Variants in GCKR observed in about 807,000 individuals in gnomAD.
GCKR encodes the protein glucokinase regulatory protein.
In GCKR, 73 loss-of-function variants were observed where a neutral mutation model predicts 82.9. The ratio of observed to expected loss-of-function variants is 0.88; its 90% CI spans 0.73 to 1.07. The LOEUF is 1.07. Among genes scored for constraint, GCKR ranks in the 50% least tolerant of loss-of-function variants. The pLI is 0.00. For missense variants in GCKR, 784 were observed against 782.1 expected, an observed-to-expected ratio of 1.00 and a Z score of -0.03; for synonymous variants, 294 against 291.8, an observed-to-expected ratio of 1.01 and a Z score of -0.08.
At chr2:27,513,909 T>TTG (rs57848910) in intron 16 of GCKR, among the ~76,000 whole-genome samples, 7,083 of 144,700 alleles carry the variant, frequency 0.049, 179 homozygotes, top group Middle Eastern at 0.071. Flanking sequence ...TTATTTGCAT[T>TTG]TGTGTGTGTG....
chr2:27,498,202 C>A, intron 3 of GCKR, 53 bp from the exon 4 acceptor site: 1 of 1,332,510 alleles, frequency 7.5e-7, no homozygotes. Flanking sequence ...AAAGAATATT[C>A]TTCTCCCAAC....
Position 27,501,216 on chromosome 2 carries a change from G to T in GCKR, c.631G>T (p.Val211Leu). Reference sequence around the variant, plus strand: ...GCCAGTCCTGGTTGGCTTCAATCCAGTGAGCATGGCCAGGTGAGCCTTCTG... The same window carrying T: ...GCCAGTCCTGGTTGGCTTCAATCCATTGAGCATGGCCAGGTGAGCCTTCTG... Reference protein sequence around the residue: ...FLPVLVGFNPVSMARNDPIED... With the variant: ...FLPVLVGFNPLSMARNDPIED... Residue 211 changes from valine to leucine, a missense_variant, in exon 8 of 19, where the codon GTG (valine) becomes TTG (leucine). Coordinates refer to ENST00000264717, the MANE Select transcript of GCKR (RefSeq NM_001486.4). 1 of 1,612,280 alleles carries T rather than the reference G, an allele frequency of 6.2e-7. No individual in the cohort carries two copies. Among genetic ancestry groups the T allele is most frequent in the Non-Finnish European group, 8.5e-7 (1 of 1,178,256 alleles).
chr2:27,501,138 C>G lies in GCKR; in HGVS notation c.553C>G (p.Pro185Ala). ...CCTTCTCTCTCTTCACCATCAGGCT[C>G]CCTTTGTGGCAGGCCAGATGGACTG... ...VIGISVGLSA[P>A]FVAGQMDCCM... The change falls in exon 8 of 19, where the codon CCC becomes GCC. Residue 185 changes from proline (P) to alanine (A), a missense_variant. Pro to Ala is a conservative substitution (Grantham distance 27). Transcript: ENST00000264717. 1 of 1,610,698 alleles carries G rather than the reference C, an allele frequency of 6.2e-7. No individual in the cohort carries two copies. The highest frequency in any genetic ancestry group is 8.5e-7 in the Non-Finnish European group (1 of 1,176,808).
intron 2 of GCKR, 72 bp downstream of exon 2, chr2:27,497,471 C>A: frequency 6.3e-7 from 1 of 1,585,702 alleles, no homozygotes; most frequent in Non-Finnish European, 8.7e-7. Context: ...CTCTCCCTCA[C>A]CATGGCTCCT....
intron 9 of GCKR, among the ~76,000 whole-genome samples, chr2:27,503,968 A>G (rs542260078): frequency 1.3e-5 from 2 of 152,362 alleles, no homozygotes; most frequent in South Asian, 4.1e-4. Flanking sequence ...CATTTTAAAT[A>G]TGGGCTTTAA....
In GCKR at chr2:27,508,177, A is replaced by C; in HGVS notation, c.1348A>C (p.Lys450Gln). Residue 450 changes from lysine (K) to glutamine (Q), a missense_variant, in exon 16 of 19, where the codon AAG becomes CAG. Transcript: ENST00000264717. ...CTTTCTCTCTCTCCAGATCCCTCTG[A>C]AGAAGCTCTTTCCCTCCATCATCAG... ...TVGQTLLIPLKKLFPSIISIT... is the reference protein window; with the variant it reads ...TVGQTLLIPLQKLFPSIISIT... The C allele has an allele frequency of 6.2e-7, 1 of 1,608,826 alleles. No individual in the cohort carries two copies. Among genetic ancestry groups the C allele is most frequent in the Non-Finnish European group, 8.5e-7 (1 of 1,175,624 alleles).
In GCKR at chr2:27,523,350, G is replaced by A. The variant is rs772516689; in HGVS notation, c.1789G>A (p.Val597Ile). 2.5e-6 allele frequency: 4 copies of A among 1,612,844 alleles called. No homozygotes were observed. In the Admixed American group the frequency reaches 6.7e-5, roughly 27 times the overall value. The change falls in exon 19 of 19, where the codon GTC becomes ATC. Residue 597 changes from valine to isoleucine, a missense_variant. By Grantham distance (29) the Val-to-Ile change is conservative. Coordinates refer to ENST00000264717, the MANE Select transcript of GCKR (RefSeq NM_001486.4). ...AQAHLAAAPS[V>I]CEAVRSALAG... ...GGCACACCTGGCTGCAGCTCCTTCT[G>A]TCTGTGAGGCTGTCAGGAGTGCTCT...
intron 16 of GCKR, among the ~76,000 whole-genome samples, chr2:27,510,994 G>A (rs1192188482): frequency 3.3e-5 from 5 of 151,626 alleles, no homozygotes; most frequent in African/African-American, 1.2e-4. Flanking sequence ...TTTCCTTTGT[G>A]TTTTTTGCCT....
At chr2:27,511,968 C>A (rs1226675703) in intron 16 of GCKR, among the ~76,000 whole-genome samples, 1 of 151,958 alleles carries the variant, frequency 6.6e-6, no homozygotes, top group Non-Finnish European at 1.5e-5. Context: ...GAGCCAGGTA[C>A]GGTGGCTCAT....
In GCKR at chr2:27,498,237, G is replaced by A; in HGVS notation, c.286-18G>A. 1 of 1,597,890 alleles carries A rather than the reference G, an allele frequency of 6.3e-7. No homozygotes were observed. Among genetic ancestry groups the A allele is most frequent in the African/African-American group, 1.3e-5 (1 of 74,742 alleles). ...CCTGAGCCAGGCCCTGGTAATATAT[G>A]CCTCTTTCCTTCTTCAGGAGCCAGA... On this transcript the variant is annotated intron_variant, in intron 3 of 18. Transcript: ENST00000264717.
Position 27,498,331 on chromosome 2 carries a change from C to A in GCKR, c.354+8C>A, listed in dbSNP as rs1316174156. On this transcript the variant is annotated splice_region_variant and intron_variant, in intron 4 of 18. Coordinates refer to ENST00000264717, the MANE Select transcript of GCKR (RefSeq NM_001486.4). ...ATGGCATTCCTCATGTCGGTGAGCACCCTGGTCTCCAGTTTTCTTCCCCCT... is the reference window on the plus strand; with the variant it reads ...ATGGCATTCCTCATGTCGGTGAGCAACCTGGTCTCCAGTTTTCTTCCCCCT... 3.7e-6 allele frequency: 6 copies of A among 1,604,892 alleles called. No homozygotes were observed. Among genetic ancestry groups the A allele is most frequent in the Non-Finnish European group, 4.3e-6 (5 of 1,171,676 alleles).
At chr2:27,501,985 G>A (rs1669594332) in intron 8 of GCKR, among the ~76,000 whole-genome samples, 1 of 152,204 alleles carries the variant, frequency 6.6e-6, no homozygotes, top group Non-Finnish European at 1.5e-5. Context: ...TGGAGATTCT[G>A]ATGCACAGCC....
intron 16 of GCKR, among the ~76,000 whole-genome samples, chr2:27,510,495 C>T (rs544975082): frequency 6.6e-6 from 1 of 152,248 alleles, no homozygotes; most frequent in African/African-American, 2.4e-5. Context: ...ACCCCAAAAG[C>T]GAAATCACTG....
rs1260326 is a variant in GCKR at position 27,508,073 on chromosome 2, T to C, written c.1337T>C (p.Leu446Pro). The C allele has an allele frequency of 0.62, 994,022 of 1,610,248 alleles. 312,465 individuals are homozygous for C. The highest frequency in any genetic ancestry group is 0.86 in the African/African-American group (64,485 of 74,916). The part of the protein sequence containing the change: ...LAHSTVGQTL[L>P]IPLKKLFPSI... ...CACAGCACCGTGGGTCAGACCTTGC[T>C]GGTGAGAGTCCAGCCGTGACAAAGG... is the stretch of plus-strand genomic sequence containing the variant. The change falls in exon 15 of 19, where the codon CTG becomes CCG. Residue 446 changes from leucine to proline, a missense_variant and splice_region_variant. By Grantham distance (98) the Leu-to-Pro change is moderately conservative (BLOSUM62 -3). Coordinates refer to ENST00000264717, the MANE Select transcript of GCKR (RefSeq NM_001486.4).
Position 27,523,479 on chromosome 2 carries a change from C to A in GCKR, c.*40C>A. On this transcript the variant is annotated 3_prime_UTR_variant, in exon 19 of 19. Transcript: ENST00000264717. ...GTGGGTGAAAGGGGCCCAACCCTGC[C>A]CACTTCAGCCCAGCCCGCCCAAGGG... 6.3e-7 allele frequency: 1 copy of A among 1,586,672 alleles called. No individual in the cohort carries two copies. Among genetic ancestry groups the A allele is most frequent in the East Asian group, 2.2e-5 (1 of 44,776 alleles).
intron 14 of GCKR, 96 bp downstream of exon 14, chr2:27,507,873 G>A: frequency 1.8e-6 from 2 of 1,124,890 alleles, no homozygotes; most frequent in Non-Finnish European, 2.7e-6. Flanking sequence ...TACCTGCTCA[G>A]AGGGAGGGAC....
At chr2:27,514,756 G>A (rs897628612) in intron 16 of GCKR, among the ~76,000 whole-genome samples, 1 of 152,118 alleles carries the variant, frequency 6.6e-6, no homozygotes, top group Non-Finnish European at 1.5e-5. Flanking sequence ...AGAAGTATTA[G>A]AGCTGGGTCA....
intron 18 of GCKR, 78 bp from the exon 19 acceptor site, chr2:27,523,191 G>GC (rs1417359977): frequency 2.1e-5 from 26 of 1,268,250 alleles, no homozygotes; most frequent in Non-Finnish European, 2.8e-5. Context: ...GAGCCACTGC[G>GC]CCCGACCTTC....
chr2:27,505,469 C>G (rs185498060), intron 9 of GCKR, among the ~76,000 whole-genome samples: 3 of 151,536 alleles, frequency 2.0e-5, no homozygotes, highest in Admixed American at 2.0e-4. Flanking sequence ...AAACCCTTGA[C>G]CCAGCTGACA....
Sources: gnomAD v4.1 joint callset for allele counts (sites outside exome capture counted in the v4.1 genomes callset) on GRCh38, gnomAD v4.1.1 for gene constraint, MANE v1.5 for transcripts, NCBI Gene and HGNC (gene_info 2026-07-23, HGNC 2026-07-21) for gene names.